The following KCNK13 variants were observed in gnomAD, a reference collection of about 807,000 sequenced individuals.
KCNK13 encodes the protein potassium two pore domain channel subfamily K member 13, also known as potassium channel subfamily K member 13.
A neutral mutation model predicts 23.4 loss-of-function variants in KCNK13; 12 were observed. The ratio of observed to expected loss-of-function variants is 0.51; its 90% CI spans 0.33 to 0.83. The LOEUF is 0.83. Ranked by LOEUF, KCNK13 falls within the 40% of genes least tolerant of loss-of-function variation. The pLI, the probability that KCNK13 is intolerant of heterozygous loss-of-function variation, is 0.02. For missense variants in KCNK13, 463 were observed against 556.3 expected, an observed-to-expected ratio of 0.83 and a Z score of 1.69; for synonymous variants, 231 against 229.5, an observed-to-expected ratio of 1.01 and a Z score of -0.06.
chr14:90,082,951 A>C (rs966647545), intron 1 of KCNK13, among the ~76,000 whole-genome samples: 10 of 152,140 alleles, frequency 6.6e-5, no homozygotes, highest in African/African-American at 2.4e-4. Context: ...ACACTTTACT[A>C]TCTCTCTTTG....
At chr14:90,176,892 C>T (rs547896510) in intron 1 of KCNK13, among the ~76,000 whole-genome samples, 4 of 151,986 alleles carry the variant, frequency 2.6e-5, no homozygotes, top group African/African-American at 9.7e-5. Context: ...TGGTGGCATG[C>T]GCCTGTAGTC....
chr14:90,100,380 T>C (rs1476657191), intron 1 of KCNK13, among the ~76,000 whole-genome samples: 1 of 152,170 alleles, frequency 6.6e-6, no homozygotes, highest in African/African-American at 2.4e-5. Context: ...TGGAAGCTGA[T>C]TCTGCATGAA....
At chr14:90,147,396 T>C (rs1452982435) in intron 1 of KCNK13, among the ~76,000 whole-genome samples, 1 of 150,184 alleles carries the variant, frequency 6.7e-6, no homozygotes, top group Admixed American at 6.7e-5. Flanking sequence ...ACTACAGACA[T>C]GCTACCACAC....
chr14:90,130,159 T>C (rs1372577749), intron 1 of KCNK13, among the ~76,000 whole-genome samples: 3 of 148,330 alleles, frequency 2.0e-5, no homozygotes, highest in African/African-American at 7.4e-5. Flanking sequence ...ATGCTAGAAC[T>C]GGAAGAAGAT....
Position 90,182,716 on chromosome 14 carries a change from A to G in KCNK13, c.335-1395A>G, listed in dbSNP as rs114278382. 7.8e-3 allele frequency among the ~76,000 whole-genome samples: 1,187 copies of G among 151,908 alleles called. 15 individuals are homozygous for G. The highest frequency in any genetic ancestry group is 0.028 in the African/African-American group (1,145 of 41,430). ...CACAGCTGCAGTCCCAGCTACTTGG[A>G]AGGCTGAGGCAGGAGGATCACCTGA... is the stretch of plus-strand genomic sequence containing the variant. On this transcript the variant is annotated intron_variant, in intron 1 of 1. Coordinates refer to ENST00000282146, the MANE Select transcript of KCNK13 (RefSeq NM_022054.4).
intron 1 of KCNK13, among the ~76,000 whole-genome samples, chr14:90,099,096 T>G (rs74857203): frequency 2.0e-5 from 3 of 148,784 alleles, no homozygotes; most frequent in Non-Finnish European, 4.5e-5. Context: ...TTTTAAAAAT[T>G]AAAAAAAAAA....
intron 1 of KCNK13, among the ~76,000 whole-genome samples, chr14:90,159,840 TC>T (rs1191838518): frequency 6.6e-6 from 1 of 152,190 alleles, no homozygotes; most frequent in Non-Finnish European, 1.5e-5. Flanking sequence ...TCCCCCTGTA[TC>T]CCTTTCTAGA....
chr14:90,094,647 T>G (rs1416404781), intron 1 of KCNK13, among the ~76,000 whole-genome samples: 1 of 77,262 alleles, frequency 1.3e-5, no homozygotes, highest in Non-Finnish European at 2.3e-5. Flanking sequence ...TTTTTTTTCT[T>G]TTTTTTTTTT....
intron 1 of KCNK13, among the ~76,000 whole-genome samples, chr14:90,134,523 A>T (rs1210804875): frequency 6.6e-6 from 1 of 152,204 alleles, no homozygotes; most frequent in African/African-American, 2.4e-5. Context: ...TGTTTATGAA[A>T]TGTTGATGTT....
intron 1 of KCNK13, among the ~76,000 whole-genome samples, chr14:90,085,744 T>C (rs1462185540): frequency 1.6e-5 from 2 of 126,214 alleles, no homozygotes; most frequent in African/African-American, 3.0e-5. Flanking sequence ...TATACTTATA[T>C]AATTATATAT....
intron 1 of KCNK13, among the ~76,000 whole-genome samples, chr14:90,183,532 A>G (rs1320617819): frequency 6.6e-6 from 1 of 152,306 alleles, no homozygotes; most frequent in Non-Finnish European, 1.5e-5. Context: ...AGGAGTTCCC[A>G]TAGAATCCTG....
At chr14:90,133,787 T>A (rs957589866) in intron 1 of KCNK13, among the ~76,000 whole-genome samples, 7 of 152,082 alleles carry the variant, frequency 4.6e-5, no homozygotes, top group Admixed American at 2.6e-4. Context: ...TCTGTAAGAC[T>A]TCCCTGCTTT....
At chr14:90,159,617 C>T (rs1189223968) in intron 1 of KCNK13, among the ~76,000 whole-genome samples, 1 of 152,230 alleles carries the variant, frequency 6.6e-6, no homozygotes, top group Non-Finnish European at 1.5e-5. Flanking sequence ...CTGTAGATGT[C>T]AATCACAGCC....
intron 1 of KCNK13, among the ~76,000 whole-genome samples, chr14:90,064,504 A>C (rs758212562): frequency 6.6e-6 from 1 of 152,146 alleles, no homozygotes; most frequent in Non-Finnish European, 1.5e-5. Flanking sequence ...CTGGACAAAG[A>C]GTCTGGAGTG....
intron 1 of KCNK13, among the ~76,000 whole-genome samples, chr14:90,106,588 T>G (rs957016591): frequency 3.9e-5 from 6 of 151,974 alleles, no homozygotes; most frequent in African/African-American, 1.4e-4. Context: ...AAAAAAAAAT[T>G]TATGATACTA....
At chr14:90,137,261 T>G (rs1206618658) in intron 1 of KCNK13, among the ~76,000 whole-genome samples, 1 of 152,078 alleles carries the variant, frequency 6.6e-6, no homozygotes, top group Non-Finnish European at 1.5e-5. Context: ...TCAACTTTTC[T>G]GCCTTTGGCC....
rs373839422 is a variant in KCNK13, at chr14:90,117,329, C to T, written c.334+54790C>T. Among the ~76,000 whole-genome samples, 235 of 152,246 alleles carry T rather than the reference C, an allele frequency of 1.5e-3. 2 individuals are homozygous for T. The Middle Eastern group carries it at 0.02, about 13-fold the overall frequency. On this transcript the variant is annotated intron_variant, in intron 1 of 1. Coordinates refer to ENST00000282146, the MANE Select transcript of KCNK13 (RefSeq NM_022054.4). ...ATTGGGCTGGGTGCAGTGGCTCACA[C>T]CTGTAATCCCAGCACTTTGGGAGGC...
At chr14:90,144,819 C>T (rs765942546) in intron 1 of KCNK13, among the ~76,000 whole-genome samples, 6 of 152,058 alleles carry the variant, frequency 3.9e-5, no homozygotes, top group Non-Finnish European at 5.9e-5. Context: ...GCACTAAAAC[C>T]TCCAGCAGAA....
rs566814649 is a variant in KCNK13 at position 90,072,041 on chromosome 14, C to T, written c.334+9502C>T. Among the ~76,000 whole-genome samples, 4 of 152,260 alleles carry T rather than the reference C, an allele frequency of 2.6e-5. No individual in the cohort carries two copies. In the East Asian group the frequency reaches 7.7e-4, roughly 29 times the overall value. ...TCAGACCCAGAAGCACGCAGTCCTG[C>T]CGAGGACGGTGGGGAAAATCACCTC... On this transcript the variant is annotated intron_variant, in intron 1 of 1. Coordinates refer to ENST00000282146, the MANE Select transcript of KCNK13 (RefSeq NM_022054.4).
Sources: allele counts gnomAD v4.1 joint callset (sites outside exome capture counted in the v4.1 genomes callset), GRCh38; gene constraint gnomAD v4.1.1; transcripts MANE v1.5; gene names NCBI Gene and HGNC (gene_info 2026-07-23, HGNC 2026-07-21).